Variants in GMDS observed in about 807,000 individuals in gnomAD.
GMDS encodes GDP-mannose 4,6 dehydratase.
A neutral mutation model predicts 49.9 loss-of-function variants in GMDS; 20 were observed. That is an observed-to-expected ratio of 0.40 (90% CI 0.28 to 0.58). The LOEUF is 0.58. GMDS is among the 20% of genes least tolerant of loss of function. The pLI is 0.42. For synonymous variants in GMDS, 177 were observed against 178.6 expected (o/e 0.99, Z 0.07); for missense variants, 362 against 481.4 (o/e 0.75, Z 2.32).
intron 4 of GMDS, among the ~76,000 whole-genome samples, chr6:2,092,756 G>A (rs1295884481): frequency 1.5e-4 from 23 of 152,158 alleles, no homozygotes; most frequent in Admixed American, 1.4e-3. Flanking sequence ...AACAGAACTA[G>A]AAAGACTCAG....
At chr6:2,199,835 T>C (rs1169024303) in intron 1 of GMDS, among the ~76,000 whole-genome samples, 1 of 152,142 alleles carries the variant, frequency 6.6e-6, no homozygotes, top group African/African-American at 2.4e-5. Flanking sequence ...TACCTAGAAA[T>C]AGTACCAGGT....
intron 4 of GMDS, among the ~76,000 whole-genome samples, chr6:1,998,937 T>C (rs1766466458): frequency 6.6e-6 from 1 of 152,004 alleles, no homozygotes; most frequent in Non-Finnish European, 1.5e-5. Context: ...ACTTGGGAAA[T>C]ACTTCAGCCA....
intron 6 of GMDS, among the ~76,000 whole-genome samples, chr6:1,950,651 A>C (rs978869218): frequency 1.3e-5 from 2 of 152,212 alleles, no homozygotes; most frequent in African/African-American, 4.8e-5. Context: ...TGAAAGTGAT[A>C]CCTAAAGAAA....
intron 7 of GMDS, among the ~76,000 whole-genome samples, chr6:1,813,624 G>C (rs1056823494): frequency 6.6e-6 from 1 of 152,098 alleles, no homozygotes; most frequent in African/African-American, 2.4e-5. Flanking sequence ...AGCTCCAGAG[G>C]TTTAAATAAG....
At chr6:1,755,256 A>G (rs1199486707) in intron 7 of GMDS, among the ~76,000 whole-genome samples, 1 of 152,230 alleles carries the variant, frequency 6.6e-6, no homozygotes, top group Non-Finnish European at 1.5e-5. Context: ...CAGCCAAATC[A>G]TGAGTGAACT....
intron 1 of GMDS, among the ~76,000 whole-genome samples, chr6:2,156,780 T>C (rs1777134542): frequency 6.6e-6 from 1 of 152,186 alleles, no homozygotes; most frequent in Admixed American, 6.5e-5. Context: ...TTAAACTTCC[T>C]TTCTGAATAT....
chr6:1,874,966 T>C (rs979599716), intron 7 of GMDS, among the ~76,000 whole-genome samples: 3 of 152,252 alleles, frequency 2.0e-5, no homozygotes, highest in Non-Finnish European at 4.4e-5. Flanking sequence ...AATGTATGCG[T>C]AGCTATTCAG....
intron 1 of GMDS, among the ~76,000 whole-genome samples, chr6:2,210,086 T>C (rs540838363): frequency 7.9e-5 from 12 of 152,220 alleles, no homozygotes; most frequent in Non-Finnish European, 1.6e-4. Context: ...CTACTGAAAG[T>C]AACCAATTTA....
chr6:2,176,272 AT>A (rs561956632), intron 1 of GMDS, among the ~76,000 whole-genome samples: 364 of 151,974 alleles, frequency 2.4e-3, no homozygotes, highest in Non-Finnish European at 3.9e-3. Context: ...CTTAAAAAAA[AT>A]TTTTTTTTCT....
intron 7 of GMDS, among the ~76,000 whole-genome samples, chr6:1,871,946 C>T (rs1041980999): frequency 6.6e-6 from 1 of 152,204 alleles, no homozygotes; most frequent in Admixed American, 6.5e-5. Flanking sequence ...TTCTGTGAGA[C>T]GCTGTGAGCA....
intron 7 of GMDS, among the ~76,000 whole-genome samples, chr6:1,921,210 T>C (rs3823282): frequency 0.061 from 9,224 of 152,246 alleles, 363 homozygotes; most frequent in East Asian, 0.14. Context: ...CCCTGGCCAA[T>C]AACTGCTTTT....
chr6:1,725,567 G>C (rs1480535760), intron 9 of GMDS, among the ~76,000 whole-genome samples: 1 of 152,068 alleles, frequency 6.6e-6, no homozygotes, highest in Non-Finnish European at 1.5e-5. Flanking sequence ...CCGAGTAGTG[G>C]GGATTACAGG....
At chr6:2,046,430 A>T (rs1770019113) in intron 4 of GMDS, among the ~76,000 whole-genome samples, 2 of 152,180 alleles carry the variant, frequency 1.3e-5, no homozygotes, top group Non-Finnish European at 2.9e-5. Flanking sequence ...TTAATTACAC[A>T]GGCAAAACCT....
At chr6:1,884,524 G>C (rs998849914) in intron 7 of GMDS, among the ~76,000 whole-genome samples, 1 of 152,152 alleles carries the variant, frequency 6.6e-6, no homozygotes, top group Non-Finnish European at 1.5e-5. Context: ...TGAAAACTTC[G>C]CAGATATTAG....
chr6:1,806,515 T>C (rs1319763190), intron 7 of GMDS, among the ~76,000 whole-genome samples: 1 of 151,470 alleles, frequency 6.6e-6, no homozygotes, highest in Non-Finnish European at 1.5e-5. Flanking sequence ...GAGACCCGAG[T>C]CTGTAGGCTC....
At chr6:2,177,808 T>C (rs1335518622) in intron 1 of GMDS, among the ~76,000 whole-genome samples, 2 of 152,084 alleles carry the variant, frequency 1.3e-5, no homozygotes, top group Non-Finnish European at 2.9e-5. Flanking sequence ...AGAAAATAAA[T>C]CATCCTACCA....
At chr6:1,996,721 C>G (rs774339835) in intron 4 of GMDS, among the ~76,000 whole-genome samples, 1 of 152,118 alleles carries the variant, frequency 6.6e-6, no homozygotes, top group Non-Finnish European at 1.5e-5. Context: ...AAGCTGCACA[C>G]ATCATTTCTA....
chr6:2,206,255 T>C (rs930413955), intron 1 of GMDS, among the ~76,000 whole-genome samples: 1 of 151,090 alleles, frequency 6.6e-6, no homozygotes, highest in Non-Finnish European at 1.5e-5. Context: ...CAAAACTCCA[T>C]CTCAAGAAAA....
chr6:2,121,551 T>C (rs951914912), intron 2 of GMDS, among the ~76,000 whole-genome samples: 1 of 152,220 alleles, frequency 6.6e-6, no homozygotes, highest in Non-Finnish European at 1.5e-5. Flanking sequence ...TGTGTGGATT[T>C]CAGTGGCCAC....
Sources: allele counts gnomAD v4.1 joint callset (sites outside exome capture counted in the v4.1 genomes callset), GRCh38; gene constraint gnomAD v4.1.1; transcripts MANE v1.5; gene names NCBI Gene and HGNC (gene_info 2026-07-23, HGNC 2026-07-21).